PXDNL: variants seen among roughly 807,000 people sequenced by gnomAD.
PXDNL encodes the protein peroxidasin like, also known as probable oxidoreductase PXDNL.
A neutral mutation model predicts 150.8 loss-of-function variants in PXDNL; 145 were observed. That is an observed-to-expected ratio of 0.96 (90% CI 0.84 to 1.10). The LOEUF is 1.10. Ranked by LOEUF, PXDNL falls within the 50% of genes least tolerant of loss-of-function variation. PXDNL has a pLI of 0.00. For missense variants in PXDNL, 2,087 were observed against 1,873.9 expected (o/e 1.11, Z -2.10); for synonymous variants, 757 against 725.7 (o/e 1.04, Z -0.69).
intron 19 of PXDNL, among the ~76,000 whole-genome samples, chr8:51,351,772 C>T (rs1483714150): frequency 1.3e-5 from 2 of 152,162 alleles, no homozygotes; most frequent in African/African-American, 2.4e-5. Context: ...AACTCACTTC[C>T]TCGTGGTTGT....
intron 1 of PXDNL, among the ~76,000 whole-genome samples, chr8:51,800,160 C>G (rs2037603698): frequency 6.6e-6 from 1 of 152,002 alleles, no homozygotes; most frequent in African/African-American, 2.4e-5. Context: ...GAGGGCCTGC[C>G]CCATGTCAAA....
intron 2 of PXDNL, among the ~76,000 whole-genome samples, chr8:51,599,357 G>C (rs1274141830): frequency 1.3e-5 from 2 of 151,646 alleles, no homozygotes; most frequent in African/African-American, 4.8e-5. Flanking sequence ...CTAATTTTTT[G>C]AGGTAGGCAT....
intron 3 of PXDNL, among the ~76,000 whole-genome samples, chr8:51,562,191 C>T (rs570467025): frequency 2.0e-5 from 3 of 151,436 alleles, no homozygotes; most frequent in African/African-American, 7.2e-5. Flanking sequence ...ATGTTCTTCA[C>T]CCTGGATAAT....
At chr8:51,495,538 C>T (rs1423403896) in intron 5 of PXDNL, among the ~76,000 whole-genome samples, 2 of 151,828 alleles carry the variant, frequency 1.3e-5, no homozygotes, top group African/African-American at 4.8e-5. Flanking sequence ...GCTAGCAAGA[C>T]TAATAAAGAA....
chr8:51,414,626 T>C (rs1808744985), intron 14 of PXDNL, among the ~76,000 whole-genome samples: 1 of 151,946 alleles, frequency 6.6e-6, no homozygotes, highest in Admixed American at 6.6e-5. Context: ...TAGCTAAAGA[T>C]AATTGAAAGA....
chr8:51,790,240 A>G (rs1450816747), intron 1 of PXDNL, among the ~76,000 whole-genome samples: 2 of 152,054 alleles, frequency 1.3e-5, no homozygotes, highest in East Asian at 3.9e-4. Flanking sequence ...CCATTTCGAA[A>G]GAGAATGAAA....
At chr8:51,491,492 AAAG>A (rs746684909) in intron 5 of PXDNL, among the ~76,000 whole-genome samples, 2 of 152,216 alleles carry the variant, frequency 1.3e-5, no homozygotes, top group Middle Eastern at 3.2e-3. Flanking sequence ...AGACAATAGG[AAAG>A]AAACCAGAAG....
At chr8:51,639,586 T>C (rs1213142938) in intron 2 of PXDNL, among the ~76,000 whole-genome samples, 1 of 152,076 alleles carries the variant, frequency 6.6e-6, no homozygotes, top group East Asian at 1.9e-4. Context: ...TCTATGCAAA[T>C]AAACTAGAAA....
At chr8:51,566,902 T>C (rs1245967471) in intron 3 of PXDNL, among the ~76,000 whole-genome samples, 1 of 151,666 alleles carries the variant, frequency 6.6e-6, no homozygotes, top group East Asian at 1.9e-4. Flanking sequence ...ATATCTTTTT[T>C]CTTTTCTAAT....
At chr8:51,731,100 T>C (rs1419082850) in intron 1 of PXDNL, among the ~76,000 whole-genome samples, 2 of 152,194 alleles carry the variant, frequency 1.3e-5, no homozygotes, top group Admixed American at 6.5e-5. Context: ...TCTTTATTCA[T>C]GTCAGCATTA....
At chr8:51,756,408 G>A (rs6473652) in intron 1 of PXDNL, among the ~76,000 whole-genome samples, 143,480 of 147,524 alleles carry the variant, frequency 0.97, 69,857 homozygotes, top group South Asian at 1. Flanking sequence ...AAAAAAAAAA[G>A]GAAAGAAAGA....
intron 8 of PXDNL, among the ~76,000 whole-genome samples, chr8:51,464,787 C>T (rs866530909): frequency 1.3e-5 from 2 of 152,096 alleles, no homozygotes; most frequent in Non-Finnish European, 2.9e-5. Context: ...TTGATGGGTG[C>T]AGAAACCACC....
At chr8:51,791,463 G>A (rs2037512598) in intron 1 of PXDNL, among the ~76,000 whole-genome samples, 1 of 152,178 alleles carries the variant, frequency 6.6e-6, no homozygotes, top group East Asian at 1.9e-4. Flanking sequence ...TGAAGGTCAC[G>A]AAATGAAAAG....
intron 4 of PXDNL, among the ~76,000 whole-genome samples, chr8:51,505,217 C>A (rs1811259207): frequency 6.6e-6 from 1 of 152,094 alleles, no homozygotes; most frequent in African/African-American, 2.4e-5. Flanking sequence ...ATCAGGCCAC[C>A]AAAGAGAGGA....
At chr8:51,455,331 T>G (rs937120023) in intron 9 of PXDNL, among the ~76,000 whole-genome samples, 1 of 151,874 alleles carries the variant, frequency 6.6e-6, no homozygotes, top group African/African-American at 2.4e-5. Context: ...CCAATAGAGA[T>G]AGCAAACACA....
In PXDNL at chr8:51,602,187, A is replaced by C. The variant is rs904882769; in HGVS notation, c.237-9489T>G. Among the ~76,000 whole-genome samples, 8 of 151,850 alleles carry C rather than the reference A, an allele frequency of 5.3e-5. No individual in the cohort carries two copies. The South Asian group carries it at 1.7e-3, about 32-fold the overall frequency. On this transcript the variant is annotated intron_variant, in intron 2 of 22. Coordinates refer to ENST00000356297, the MANE Select transcript of PXDNL (RefSeq NM_144651.5). The stretch of plus-strand genomic sequence containing the variant: ...ATGTTTGTTTTGTGTAGTATCTCAC[A>C]GGTGTGCTCTAGATTTTTTGTATCT...
chr8:51,541,253 TAA>T (rs5891421), intron 4 of PXDNL, among the ~76,000 whole-genome samples: 8 of 127,178 alleles, frequency 6.3e-5, no homozygotes, highest in Admixed American at 7.8e-5. Context: ...TGAGACTCCA[TAA>T]AAAAAAAAAA....
intron 1 of PXDNL, among the ~76,000 whole-genome samples, chr8:51,745,592 C>T (rs75474966): frequency 1.3e-5 from 2 of 152,164 alleles, no homozygotes; most frequent in African/African-American, 4.8e-5. Context: ...ACCCTGTTCC[C>T]AGAGTCATGT....
intron 1 of PXDNL, among the ~76,000 whole-genome samples, chr8:51,699,035 A>G (rs1219418025): frequency 1.3e-5 from 2 of 152,316 alleles, no homozygotes; most frequent in East Asian, 3.9e-4. Flanking sequence ...CCACTTCTAG[A>G]GCACAGGCAG....
Sources: gnomAD v4.1 joint callset for allele counts (sites outside exome capture counted in the v4.1 genomes callset) on GRCh38, gnomAD v4.1.1 for gene constraint, MANE v1.5 for transcripts, NCBI Gene and HGNC (gene_info 2026-07-23, HGNC 2026-07-21) for gene names.